Variants in ACOT7 observed in about 807,000 individuals in gnomAD.
The protein encoded by ACOT7 is cytosolic acyl coenzyme A thioester hydrolase.
ACOT7 carries 12 observed loss-of-function variants against 40.2 expected under a neutral mutation model. The observed-to-expected ratio is 0.30, with a 90% CI of 0.19 to 0.48. The LOEUF (loss-of-function observed/expected upper bound fraction) is 0.48, where lower values mean the gene tolerates loss of function less well. ACOT7 is among the 20% of genes least tolerant of loss of function. The probability of loss-of-function intolerance (pLI) is 0.99; values close to 1 mark genes in which losing one functional copy is unlikely to be tolerated. For synonymous variants in ACOT7, 228 were observed against 219.5 expected, an observed-to-expected ratio of 1.04 and a Z score of -0.34; for missense variants, 395 against 530.8, an observed-to-expected ratio of 0.74 and a Z score of 2.51.
intron 5 of ACOT7, among the ~76,000 whole-genome samples, chr1:6,323,924 G>A (rs1299222886): frequency 6.6e-6 from 1 of 151,696 alleles, no homozygotes; most frequent in Non-Finnish European, 1.5e-5. Flanking sequence ...ATGGACAGGG[G>A]CTGGGAGCAG....
At chr1:6,362,761 G>A (rs1023816572) in intron 1 of ACOT7, among the ~76,000 whole-genome samples, 2 of 151,714 alleles carry the variant, frequency 1.3e-5, no homozygotes, top group African/African-American at 4.8e-5. Flanking sequence ...AAAAACAAAT[G>A]ACCTTTGGCT....
intron 4 of ACOT7, among the ~76,000 whole-genome samples, chr1:6,327,828 C>G (rs1640847309): frequency 6.6e-6 from 1 of 152,162 alleles, no homozygotes. Context: ...GGCTGAAGTG[C>G]AGTGGCGTGA....
At chr1:6,315,779 A>G (rs1272429680) in intron 6 of ACOT7, among the ~76,000 whole-genome samples, 1 of 144,238 alleles carries the variant, frequency 6.9e-6, no homozygotes, top group Non-Finnish European at 1.5e-5. Context: ...AAAAAAAAAA[A>G]GAGAGAAGGT....
rs1181205817 is a variant in ACOT7, at chr1:6,305,996, G to T, written c.713-11016C>A. On this transcript the variant is annotated intron_variant, in intron 6 of 8. Coordinates refer to ENST00000361521, the MANE Select transcript of ACOT7 (RefSeq NM_007274.4). ...GCGGTTAGGAGCTGGAGACCAGCCCGGCCAACACAGCGAAACCCCGTCTCC... is the reference window on the plus strand; with the variant it reads ...GCGGTTAGGAGCTGGAGACCAGCCCTGCCAACACAGCGAAACCCCGTCTCC... Among the ~76,000 whole-genome samples the T allele has an allele frequency of 1.1e-4, 16 of 152,092 alleles. No homozygotes were observed. The South Asian group carries it at 3.3e-3, about 32-fold the overall frequency.
At chr1:6,322,947 A>G (rs1052968046) in intron 5 of ACOT7, among the ~76,000 whole-genome samples, 14 of 151,990 alleles carry the variant, frequency 9.2e-5, no homozygotes, top group Non-Finnish European at 4.4e-5. Context: ...CCTGGCCAAC[A>G]TGGTGAAACC....
intron 1 of ACOT7, among the ~76,000 whole-genome samples, chr1:6,386,593 T>G (rs1642444720): frequency 6.6e-6 from 1 of 152,186 alleles, no homozygotes; most frequent in Non-Finnish European, 1.5e-5. Context: ...TGGTGACTCA[T>G]GCCCACAATT....
intron 1 of ACOT7, among the ~76,000 whole-genome samples, chr1:6,387,210 C>A (rs929791655): frequency 6.6e-6 from 1 of 151,880 alleles, no homozygotes; most frequent in Non-Finnish European, 1.5e-5. Flanking sequence ...TGGAAATATT[C>A]GACATCACAA....
chr1:6,385,376 C>T (rs1642417351), intron 1 of ACOT7: 1 of 1,276,332 alleles, frequency 7.8e-7, no homozygotes, highest in Non-Finnish European at 1.1e-6. Flanking sequence ...GCTCATCCAA[C>T]ACCCGACCCT....
At chr1:6,277,020 G>T (rs1639215583) in intron 8 of ACOT7, among the ~76,000 whole-genome samples, 2 of 151,948 alleles carry the variant, frequency 1.3e-5, no homozygotes, top group African/African-American at 4.8e-5. Flanking sequence ...GTTCTGGAAG[G>T]GGCGGCCCCA....
intron 2 of ACOT7, among the ~76,000 whole-genome samples, chr1:6,345,851 C>T (rs565533458): frequency 3.3e-5 from 5 of 152,118 alleles, no homozygotes; most frequent in African/African-American, 9.6e-5. Flanking sequence ...TGAGCCCCAG[C>T]GTGGCCGCGG....
rs1415134227 is a variant in ACOT7, at chr1:6,393,355, G to A, written c.45C>T (p.Asp15=). 8.0e-7 allele frequency: 1 copy of A among 1,245,392 alleles called. No homozygotes were observed. The highest frequency in any genetic ancestry group is 1.0e-6 in the Non-Finnish European group (1 of 993,688). 77.1% of individuals were successfully genotyped at this position (1,245,392 alleles called of 1,614,324 possible). The stretch of plus-strand genomic sequence containing the variant: ...CGGGCGGCTGCAGAAGGGCGCAGGT[G>A]TCTGGCAGGCCCGGCGCGGAATGAA... ...GLIHSAPGLP[D]TCALLQPPAA... is the part of the protein sequence containing the mutation. Residue 15 remains aspartate (D), a synonymous_variant, in exon 1 of 9, where the codon GAC becomes GAT. Transcript: ENST00000361521.
At chr1:6,267,421 G>T (rs1638884584) in intron 8 of ACOT7, among the ~76,000 whole-genome samples, 1 of 152,220 alleles carries the variant, frequency 6.6e-6, no homozygotes, top group African/African-American at 2.4e-5. Context: ...CAAGGCCAGG[G>T]CCCTGGAGAG....
intron 8 of ACOT7, among the ~76,000 whole-genome samples, chr1:6,271,910 G>A (rs1277636574): frequency 1.3e-5 from 2 of 152,280 alleles, no homozygotes; most frequent in Non-Finnish European, 2.9e-5. Flanking sequence ...ACAAAGGGGA[G>A]AAAAGGCATT....
At chr1:6,390,441 G>A (rs1244560021) in intron 1 of ACOT7, among the ~76,000 whole-genome samples, 2 of 151,262 alleles carry the variant, frequency 1.3e-5, no homozygotes, top group Non-Finnish European at 2.9e-5. Context: ...GCACGGTGGT[G>A]CACGCCTGTA....
intron 1 of ACOT7, 100 bp downstream of exon 1, chr1:6,393,157 G>C: frequency 1.7e-6 from 2 of 1,164,316 alleles, no homozygotes; most frequent in South Asian, 4.2e-5. Context: ...GCGGGCGGGG[G>C]CGGCCTCGGC....
intron 2 of ACOT7, among the ~76,000 whole-genome samples, chr1:6,347,926 C>T (rs1168404067): frequency 6.6e-6 from 1 of 152,138 alleles, no homozygotes; most frequent in Non-Finnish European, 1.5e-5. Flanking sequence ...GACAGCATCA[C>T]CCTCTGGCCT....
intron 2 of ACOT7, among the ~76,000 whole-genome samples, chr1:6,347,771 A>G (rs2148453344): frequency 6.6e-6 from 1 of 151,866 alleles, no homozygotes; most frequent in East Asian, 1.9e-4. Context: ...TGTCTCAGAA[A>G]AAAAAAAACA....
intron 4 of ACOT7, among the ~76,000 whole-genome samples, chr1:6,328,933 T>G (rs1002408861): frequency 3.9e-5 from 6 of 152,096 alleles, no homozygotes; most frequent in Non-Finnish European, 7.4e-5. Context: ...ACCTTCTCCC[T>G]CCCCCTTGGC....
At chr1:6,314,898 G>A (rs981152084) in intron 6 of ACOT7, among the ~76,000 whole-genome samples, 3 of 149,674 alleles carry the variant, frequency 2.0e-5, no homozygotes, top group Admixed American at 6.6e-5. Context: ...CACCCTCCAC[G>A]AGCCCTTCAA....
Sources: allele counts gnomAD v4.1 joint callset (sites outside exome capture counted in the v4.1 genomes callset), GRCh38; gene constraint gnomAD v4.1.1; transcripts MANE v1.5; gene names NCBI Gene and HGNC (gene_info 2026-07-23, HGNC 2026-07-21).